Variants in RILPL1 observed in about 807,000 individuals in gnomAD.
RILPL1 encodes the protein RILP-like protein 1.
RILPL1 carries 33 observed loss-of-function variants against 50.3 expected under a neutral mutation model. The ratio of observed to expected loss-of-function variants is 0.66; its 90% CI spans 0.50 to 0.88. The LOEUF (loss-of-function observed/expected upper bound fraction) is 0.88. Ranked by LOEUF, RILPL1 falls within the 40% of genes least tolerant of loss-of-function variation. RILPL1 has a pLI of 0.00. For missense variants in RILPL1, 418 were observed against 542.5 expected (o/e 0.77, Z 2.28); for synonymous variants, 205 against 228.6 (o/e 0.90, Z 0.93).
rs1322746818 is a variant in RILPL1 at position 123,489,518 on chromosome 12, G to C, written c.802-3713C>G. On this transcript the variant is annotated intron_variant, in intron 4 of 6. Coordinates refer to ENST00000376874, the MANE Select transcript of RILPL1 (RefSeq NM_178314.5). The surrounding 1 kb of genome is among the most constrained non-coding windows in gnomAD (Gnocchi z 4.0). ...TCTCTACTAAAAAACACAAAAATTA[G>C]TCAGGCATGGTGGTGGGCACCTGTA... 1.3e-5 allele frequency among the ~76,000 whole-genome samples: 2 copies of C among 152,006 alleles called. No individual in the cohort carries two copies. The highest frequency in any genetic ancestry group is 4.8e-5 in the African/African-American group (2 of 41,382).
chr12:123,521,366 G>C (rs1884994199), intron 2 of RILPL1, among the ~76,000 whole-genome samples: 1 of 151,830 alleles, frequency 6.6e-6, no homozygotes, highest in Non-Finnish European at 1.5e-5. Context: ...TCCAGAAACT[G>C]CTTAGAATCA....
Position 123,489,113 on chromosome 12 carries a change from C to T in RILPL1, c.802-3308G>A, listed in dbSNP as rs1016539636. On this transcript the variant is annotated intron_variant, in intron 4 of 6. Coordinates refer to ENST00000376874, the MANE Select transcript of RILPL1 (RefSeq NM_178314.5). The surrounding 1 kb of genome is among the most constrained non-coding windows in gnomAD (Gnocchi z 4.0). ...GGCCCAGCTTCACCAAGGAGCAACC[C>T]TGGATGTCTAGTTATCCAACATTTA... Among the ~76,000 whole-genome samples the T allele has an allele frequency of 4.6e-5, 7 of 152,190 alleles. No individual in the cohort carries two copies. Among genetic ancestry groups the T allele is most frequent in the African/African-American group, 1.7e-4 (7 of 41,440 alleles).
chr12:123,521,742 T>C (rs1016328016), intron 2 of RILPL1, among the ~76,000 whole-genome samples: 1 of 141,794 alleles, frequency 7.1e-6, no homozygotes, highest in Non-Finnish European at 1.5e-5. Context: ...TGTATATATA[T>C]AAAAATATAT....
chr12:123,526,317 T>TAAAATAA (rs58426654), intron 1 of RILPL1, among the ~76,000 whole-genome samples: 5 of 151,402 alleles, frequency 3.3e-5, no homozygotes, highest in Non-Finnish European at 7.4e-5. Context: ...AAAAATAAAA[T>TAAAATAA]TAAAATAAAA....
chr12:123,511,467 C>A (rs1216510779), intron 2 of RILPL1, among the ~76,000 whole-genome samples: 1 of 66,898 alleles, frequency 1.5e-5, no homozygotes, highest in African/African-American at 7.7e-5. Flanking sequence ...TGTGTGAGGT[C>A]TGTGTGTGTG....
At chr12:123,507,798 G>A (rs1255056530) in intron 2 of RILPL1, among the ~76,000 whole-genome samples, 3 of 151,592 alleles carry the variant, frequency 2.0e-5, no homozygotes, top group African/African-American at 4.8e-5. Context: ...AAAATTAGCT[G>A]GGCGTGGTGG....
At chr12:123,521,599 ATATATATACACACATATGTG>A (rs1566144092) in intron 2 of RILPL1, among the ~76,000 whole-genome samples, 759 of 21,768 alleles carry the variant, frequency 0.035, 20 homozygotes, top group East Asian at 0.3. Flanking sequence ...ATATATATTA[ATATATATACACACATATGTG>A]TATATATATA....
intron 2 of RILPL1, among the ~76,000 whole-genome samples, chr12:123,520,758 G>A (rs542553989): frequency 1.3e-5 from 2 of 152,294 alleles, no homozygotes; most frequent in East Asian, 3.9e-4. Flanking sequence ...GCAAAGCCCA[G>A]AACAGGGACA....
At chr12:123,529,747 G>A (rs573555558) in intron 1 of RILPL1, among the ~76,000 whole-genome samples, 1 of 152,092 alleles carries the variant, frequency 6.6e-6, no homozygotes, top group East Asian at 1.9e-4. Flanking sequence ...ATTACAGTGT[G>A]CCTGTAGTCT....
chr12:123,527,488 T>C (rs1885302162), intron 1 of RILPL1, among the ~76,000 whole-genome samples: 1 of 151,942 alleles, frequency 6.6e-6, no homozygotes, highest in Non-Finnish European at 1.5e-5. Flanking sequence ...AATACAAAAA[T>C]TAGCTGGGCA....
chr12:123,511,101 T>G (rs1197820353), intron 2 of RILPL1, among the ~76,000 whole-genome samples: 301 of 58,740 alleles, frequency 5.1e-3, no homozygotes, highest in South Asian at 7.4e-3. Context: ...GTGTGTGTGT[T>G]AGGTCTGTGT....
At chr12:123,513,981 C>G (rs576855286) in intron 2 of RILPL1, 1 of 152,238 alleles carries the variant, frequency 6.6e-6, no homozygotes, top group African/African-American at 2.4e-5. Flanking sequence ...CACGATGTGC[C>G]GTCGAAAACA....
rs1207503097 is a variant in RILPL1 at position 123,525,700 on chromosome 12, C to CAAAAAAAA, written c.310-2063_310-2056dup. On this transcript the variant is annotated intron_variant, in intron 1 of 6. Transcript: ENST00000376874. The stretch of plus-strand genomic sequence containing the variant: ...TGGGTGACAGAGTGAGACACTGTCT[C>CAAAAAAAA]AAAAAAAAAAAAAAAAAAAAAAAAG... 2.7e-3 allele frequency among the ~76,000 whole-genome samples: 123 copies of CAAAAAAAA among 44,918 alleles called. 1 individual carries two copies. The highest frequency in any genetic ancestry group is 3.8e-3 in the Non-Finnish European group (88 of 23,024). 29.5% of individuals were successfully genotyped at this position (44,918 alleles called of 152,430 possible). A position where few individuals can be genotyped will look rare whatever the true frequency, so the allele number is the denominator to read the frequency against.
At chr12:123,518,834 G>A (rs1209693043) in intron 2 of RILPL1, among the ~76,000 whole-genome samples, 6 of 151,950 alleles carry the variant, frequency 3.9e-5, no homozygotes, top group African/African-American at 7.2e-5. Context: ...CGAGGCAGGC[G>A]GATCATGAGG....
At chr12:123,517,025 A>T (rs1370655745) in intron 2 of RILPL1, among the ~76,000 whole-genome samples, 1 of 152,126 alleles carries the variant, frequency 6.6e-6, no homozygotes, top group African/African-American at 2.4e-5. Context: ...CCAAGATCGC[A>T]CCACTGCACT....
At chr12:123,483,981 T>G (rs1282501847) in intron 6 of RILPL1, among the ~76,000 whole-genome samples, 199 bp downstream of exon 6, 2 of 151,692 alleles carry the variant, frequency 1.3e-5, no homozygotes, top group African/African-American at 4.8e-5. Context: ...TCCCCAAACC[T>G]CTCTGCCCAG....
At chr12:123,486,159 C>T (rs1882321087) in intron 4 of RILPL1, among the ~76,000 whole-genome samples, 1 of 152,184 alleles carries the variant, frequency 6.6e-6, no homozygotes, top group Non-Finnish European at 1.5e-5. Flanking sequence ...CTTTCCAGGC[C>T]TCCTTTCATC....
At chr12:123,507,505 C>T (rs1429968648) in intron 2 of RILPL1, among the ~76,000 whole-genome samples, 1 of 149,262 alleles carries the variant, frequency 6.7e-6, no homozygotes, top group Non-Finnish European at 1.5e-5. Context: ...TTCGAGGCTG[C>T]AATGAGCTAT....
Position 123,484,275 on chromosome 12 carries a change from G to A in RILPL1, c.975-3C>T. On this transcript the variant is annotated splice_polypyrimidine_tract_variant and splice_region_variant and intron_variant, in intron 5 of 6. Transcript: ENST00000376874. ...GGTTTTCCTCTTCCATTTCTTCACT[G>A]GAAGGAGATGAGAGGCGTGAGATAA... 1 of 1,593,846 alleles carries A rather than the reference G, an allele frequency of 6.3e-7. No individual in the cohort carries two copies. The highest frequency in any genetic ancestry group is 1.7e-5 in the Admixed American group (1 of 59,972).
Sources: allele counts gnomAD v4.1 joint callset (sites outside exome capture counted in the v4.1 genomes callset), GRCh38; gene constraint gnomAD v4.1.1; non-coding constraint Gnocchi (gnomAD v3.1); transcripts MANE v1.5; gene names NCBI Gene and HGNC (gene_info 2026-07-23, HGNC 2026-07-21).